The following PRPSAP1 variants were observed in gnomAD, a reference collection of about 807,000 sequenced individuals.
The protein encoded by PRPSAP1 is phosphoribosyl pyrophosphate synthase-associated protein 1.
A neutral mutation model predicts 39.4 loss-of-function variants in PRPSAP1; 31 were observed. The ratio of observed to expected loss-of-function variants is 0.79; its 90% CI spans 0.59 to 1.06. PRPSAP1 has a LOEUF of 1.06. Ranked by LOEUF, PRPSAP1 falls within the 50% of genes least tolerant of loss-of-function variation. The pLI is 0.00. For synonymous variants in PRPSAP1, 212 were observed against 192.6 expected (o/e 1.10, Z -0.83); for missense variants, 430 against 511.6 (o/e 0.84, Z 1.54).
At chr17:76,339,570 T>C (rs577388240) in intron 3 of PRPSAP1, among the ~76,000 whole-genome samples, 1 of 151,900 alleles carries the variant, frequency 6.6e-6, no homozygotes, top group African/African-American at 2.4e-5. Context: ...CAGGTGATGA[T>C]ATTTTTGCTT....
chr17:76,311,802 T>C (rs1358511793), intron 9 of PRPSAP1, 102 bp from the exon 10 acceptor site: 6 of 1,329,896 alleles, frequency 4.5e-6, no homozygotes, highest in African/African-American at 4.5e-5. Context: ...ACAGCCTAAG[T>C]TCCAAACTAC....
chr17:76,344,572 T>C (rs549942956), intron 3 of PRPSAP1, 99 bp downstream of exon 3: 322 of 1,129,908 alleles, frequency 2.8e-4, no homozygotes, highest in Admixed American at 1.1e-3. Flanking sequence ...CCTGAATATA[T>C]AACTTTTAAA....
In PRPSAP1 at chr17:76,344,758, G is replaced by A. The variant is rs771777222; in HGVS notation, c.224-21C>T. On this transcript the variant is annotated intron_variant, in intron 2 of 9. Coordinates refer to ENST00000446526, the MANE Select transcript of PRPSAP1 (RefSeq NM_002766.3). ...TGTTTCTGAAAAATAAAAATGTTCT[G>A]AAGTTTTAAGAAAAGCTCCTATGTT... is the stretch of plus-strand genomic sequence containing the variant. The A allele has an allele frequency of 2.0e-6, 3 of 1,513,354 alleles. No individual in the cohort carries two copies. The African/African-American group carries it at 4.2e-5, about 21-fold the overall frequency. 93.7% of individuals were successfully genotyped at this position (1,513,354 alleles called of 1,614,324 possible). A position where few individuals can be genotyped will look rare whatever the true frequency, so the allele number is the denominator to read the frequency against.
At chr17:76,320,487 C>G (rs186266158) in intron 7 of PRPSAP1, among the ~76,000 whole-genome samples, 5 of 133,330 alleles carry the variant, frequency 3.8e-5, no homozygotes, top group African/African-American at 1.4e-4. Context: ...TGCAGTGGCA[C>G]GATCTCAGTT....
intron 1 of PRPSAP1, among the ~76,000 whole-genome samples, chr17:76,350,312 G>A (rs185451155): frequency 2.6e-4 from 39 of 151,714 alleles, no homozygotes; most frequent in Admixed American, 7.9e-4. Context: ...GGTGGAGGGC[G>A]CCTGTAGTCC....
chr17:76,342,991 CA>C (rs1397577887), intron 3 of PRPSAP1, among the ~76,000 whole-genome samples: 1 of 151,990 alleles, frequency 6.6e-6, no homozygotes, highest in African/African-American at 2.4e-5. Flanking sequence ...GAGGTAGAAT[CA>C]CTTGAACCCG....
rs571857187 is a variant in PRPSAP1 at position 76,325,643 on chromosome 17, G to A, written c.781+3074C>T. Among the ~76,000 whole-genome samples the A allele has an allele frequency of 1.7e-3, 234 of 140,446 alleles. 5 individuals are homozygous for A. Among genetic ancestry groups the A allele is most frequent in the African/African-American group, 5.9e-3 (215 of 36,582 alleles). The allele number at this position is 140,446 out of a possible 152,430, so 92.1% of individuals were successfully genotyped here. A position where few individuals can be genotyped will look rare whatever the true frequency, so the allele number is the denominator to read the frequency against. On this transcript the variant is annotated intron_variant, in intron 7 of 9. Coordinates refer to ENST00000446526, the MANE Select transcript of PRPSAP1 (RefSeq NM_002766.3). Reference sequence around the variant, plus strand: ...AGACAGAGTCTCGCTCTGTCACCCAGGCTGGAGTGCAGTGGCGCGATTTCA... The same window carrying A: ...AGACAGAGTCTCGCTCTGTCACCCAAGCTGGAGTGCAGTGGCGCGATTTCA...
intron 1 of PRPSAP1, among the ~76,000 whole-genome samples, chr17:76,349,761 C>CA (rs2071547850): frequency 6.6e-6 from 1 of 151,672 alleles, no homozygotes; most frequent in African/African-American, 2.4e-5. Flanking sequence ...AACTCCATCT[C>CA]AAAAAATAAT....
intron 5 of PRPSAP1, 88 bp downstream of exon 5, chr17:76,330,463 T>C: frequency 3.1e-6 from 3 of 966,960 alleles, no homozygotes; most frequent in Non-Finnish European, 4.7e-6. Context: ...TCATTTGATG[T>C]GCCTTCCAGT....
chr17:76,322,374 C>T (rs1228874170), intron 7 of PRPSAP1, among the ~76,000 whole-genome samples: 4 of 152,168 alleles, frequency 2.6e-5, no homozygotes, highest in African/African-American at 4.8e-5. Flanking sequence ...CCAGCCTGGG[C>T]GACAGAGCAA....
At chr17:76,341,239 T>C (rs1015847459) in intron 3 of PRPSAP1, among the ~76,000 whole-genome samples, 11 of 33,612 alleles carry the variant, frequency 3.3e-4, no homozygotes, top group Non-Finnish European at 9.8e-4. Flanking sequence ...TTTTTGTTTT[T>C]TTTTTTTTTT....
chr17:76,346,957 G>A (rs1461817055), intron 2 of PRPSAP1, among the ~76,000 whole-genome samples: 3 of 152,058 alleles, frequency 2.0e-5, no homozygotes, highest in East Asian at 1.9e-4. Flanking sequence ...TGCAGGACTT[G>A]GAAGAAGGGA....
intron 7 of PRPSAP1, among the ~76,000 whole-genome samples, chr17:76,321,736 T>C (rs925075993): frequency 6.6e-6 from 1 of 152,092 alleles, no homozygotes; most frequent in African/African-American, 2.4e-5. Flanking sequence ...TAGAAATAAT[T>C]AAGCTTAGTG....
chr17:76,315,700 C>CTTTTTTTTTT lies in PRPSAP1; in HGVS notation c.782-1819_782-1810dup, dbSNP rs71161279. On this transcript the variant is annotated intron_variant, in intron 7 of 9. Coordinates refer to ENST00000446526, the MANE Select transcript of PRPSAP1 (RefSeq NM_002766.3). ...ACACGCAGTTATGTTGACCTATCCGCTTTTTTTTTTTTTTTTTTTTTTTTT... is the reference window on the plus strand; with the variant it reads ...ACACGCAGTTATGTTGACCTATCCGCTTTTTTTTTTTTTTTTTTTTTTTTTTTTTTTTTTT... 1.8e-3 allele frequency among the ~76,000 whole-genome samples: 128 copies of CTTTTTTTTTT among 72,672 alleles called. 12 individuals are homozygous for CTTTTTTTTTT. Among genetic ancestry groups the CTTTTTTTTTT allele is most frequent in the African/African-American group, 7.4e-3 (115 of 15,578 alleles). 47.7% of individuals were successfully genotyped at this position (72,672 alleles called of 152,430 possible). A position where few individuals can be genotyped will look rare whatever the true frequency, so the allele number is the denominator to read the frequency against.
Position 76,330,117 on chromosome 17 carries a change from T to A in PRPSAP1, c.580-19A>T, listed in dbSNP as rs371577670. The A allele has an allele frequency of 1.2e-6, 2 of 1,600,284 alleles. No individual in the cohort carries two copies. The highest frequency in any genetic ancestry group is 2.7e-5 in the African/African-American group (2 of 74,608). ...TTGGAATCTAGATTTGAAGGAAAAA[T>A]AGAAAATACTGAAAAGTTATCAGAA... is the stretch of plus-strand genomic sequence containing the variant. On this transcript the variant is annotated intron_variant, in intron 5 of 9. Coordinates refer to ENST00000446526, the MANE Select transcript of PRPSAP1 (RefSeq NM_002766.3).
intron 1 of PRPSAP1, chr17:76,353,264 G>A (rs2071599666): frequency 6.6e-6 from 3 of 454,726 alleles, no homozygotes; most frequent in East Asian, 8.0e-5. Flanking sequence ...CCGGGGTGTG[G>A]GACTGCGGAG....
intron 4 of PRPSAP1, among the ~76,000 whole-genome samples, chr17:76,331,184 T>C (rs2071318114): frequency 6.6e-6 from 1 of 152,084 alleles, no homozygotes; most frequent in Non-Finnish European, 1.5e-5. Context: ...AGAAAAACAA[T>C]GAAGAGATAC....
At chr17:76,317,510 G>C (rs76222204) in intron 7 of PRPSAP1, among the ~76,000 whole-genome samples, 18,433 of 152,150 alleles carry the variant, frequency 0.12, 2,577 homozygotes, top group African/African-American at 0.35. Flanking sequence ...GTGACAGAAC[G>C]AGACTCCATC....
intron 3 of PRPSAP1, among the ~76,000 whole-genome samples, chr17:76,340,375 T>C (rs981982866): frequency 6.6e-6 from 1 of 151,660 alleles, no homozygotes; most frequent in Non-Finnish European, 1.5e-5. Context: ...TCTTCATGCT[T>C]CTTTTGTCCC....
Sources: gnomAD v4.1 joint callset for allele counts (sites outside exome capture counted in the v4.1 genomes callset) on GRCh38, gnomAD v4.1.1 for gene constraint, MANE v1.5 for transcripts, NCBI Gene and HGNC (gene_info 2026-07-23, HGNC 2026-07-21) for gene names.